DPP6: variants seen among roughly 807,000 people sequenced by gnomAD.
DPP6 encodes A-type potassium channel modulatory protein DPP6.
Under a neutral mutation model 122.6 loss-of-function variants are expected in DPP6, and 69 were observed. The ratio of observed to expected loss-of-function variants is 0.56; its 90% CI spans 0.46 to 0.69. The LOEUF (loss-of-function observed/expected upper bound fraction) is 0.69. DPP6 is among the 30% of genes least tolerant of loss of function. The probability of loss-of-function intolerance (pLI) is 0.00; values close to 1 mark genes in which losing one functional copy is unlikely to be tolerated. For missense variants in DPP6, 928 were observed against 1,116.9 expected (o/e 0.83, Z 2.41); for synonymous variants, 418 against 433.1 (o/e 0.97, Z 0.43).
chr7:154,575,352 T>C (rs1286232107), intron 5 of DPP6, among the ~76,000 whole-genome samples: 3 of 26,474 alleles, frequency 1.1e-4, no homozygotes, highest in Non-Finnish European at 2.0e-4. Context: ...TATGTGTGTG[T>C]GGTGTGTGTG....
chr7:153,910,324 C>T (rs555827522), intron 1 of DPP6, among the ~76,000 whole-genome samples: 19 of 151,290 alleles, frequency 1.3e-4, no homozygotes, highest in Middle Eastern at 3.4e-3. Flanking sequence ...CTGCCTCCTG[C>T]GTTCAAGCAC....
At chr7:154,500,513 G>C (rs1289142999) in intron 3 of DPP6, among the ~76,000 whole-genome samples, 1 of 152,148 alleles carries the variant, frequency 6.6e-6, no homozygotes, top group East Asian at 1.9e-4. Context: ...AATTATGGGG[G>C]CGGATCTTTC....
intron 1 of DPP6, among the ~76,000 whole-genome samples, chr7:154,057,090 G>A (rs1251895404): frequency 6.6e-6 from 1 of 152,200 alleles, no homozygotes. Context: ...CCTACAAAGT[G>A]GGAGCCATGA....
chr7:154,312,676 C>T (rs191434172), intron 1 of DPP6, among the ~76,000 whole-genome samples: 61 of 152,206 alleles, frequency 4.0e-4, no homozygotes, highest in African/African-American at 1.4e-3. Flanking sequence ...ATGGGAACAC[C>T]GTGGTGATGG....
chr7:154,280,442 C>A (rs1804426412), intron 1 of DPP6, among the ~76,000 whole-genome samples: 1 of 152,148 alleles, frequency 6.6e-6, no homozygotes. Context: ...ACTGAACCTG[C>A]AGCCTCCCCC....
At chr7:153,973,716 A>G (rs1366420996) in intron 1 of DPP6, among the ~76,000 whole-genome samples, 1 of 150,718 alleles carries the variant, frequency 6.6e-6, no homozygotes, top group East Asian at 1.9e-4. Context: ...GTATTGCTCC[A>G]GAGAGAGCGC....
chr7:153,927,451 C>A lies in DPP6; in HGVS notation c.51+39717C>A, dbSNP rs189356209. 2.6e-5 allele frequency among the ~76,000 whole-genome samples: 4 copies of A among 152,260 alleles called. No homozygotes were observed. The East Asian group carries it at 7.7e-4, about 29-fold the overall frequency. On this transcript the variant is annotated intron_variant, in intron 1 of 25. Transcript: ENST00000404039. ...ATATTTTGGTGGACACCCTTTAATT[C>A]ATCTCTGTTACAATATACATATACT...
the DPP6 span, among the ~76,000 whole-genome samples, chr7:153,787,615 T>A: frequency 6.9e-6 from 1 of 144,050 alleles, no homozygotes; most frequent in Non-Finnish European, 1.5e-5. Context: ...AAATAAAAAA[T>A]AAAATTGTAG....
chr7:154,252,478 T>C (rs1585746645), intron 1 of DPP6, among the ~76,000 whole-genome samples: 2 of 152,196 alleles, frequency 1.3e-5, no homozygotes, highest in African/African-American at 4.8e-5. Context: ...TTAAATTCTC[T>C]ATAGATAATG....
intron 10 of DPP6, among the ~76,000 whole-genome samples, chr7:154,774,052 T>TGAAGCCCA (rs1326259048): frequency 2.6e-5 from 4 of 152,186 alleles, no homozygotes; most frequent in East Asian, 1.9e-4. Context: ...AGTGGATGGA[T>TGAAGCCCA]GAAGCCCAGA....
At chr7:154,107,359 T>G (rs1806239860) in intron 1 of DPP6, among the ~76,000 whole-genome samples, 2 of 152,188 alleles carry the variant, frequency 1.3e-5, no homozygotes, top group Non-Finnish European at 2.9e-5. Context: ...CCACATTATG[T>G]CACTTGTGTA....
At chr7:154,740,231 T>C (rs1409292552) in intron 8 of DPP6, among the ~76,000 whole-genome samples, 1 of 152,198 alleles carries the variant, frequency 6.6e-6, no homozygotes, top group African/African-American at 2.4e-5. Context: ...TACCTTTTTT[T>C]ATAGCGCCCT....
At chr7:153,755,798 T>G in the DPP6 span, among the ~76,000 whole-genome samples, 4 of 152,202 alleles carry the variant, frequency 2.6e-5, no homozygotes, top group African/African-American at 9.6e-5. Context: ...ACTTTATATC[T>G]TTGTGAAGCT....
chr7:154,139,591 C>T (rs943768082), intron 1 of DPP6, among the ~76,000 whole-genome samples: 4 of 152,020 alleles, frequency 2.6e-5, no homozygotes, highest in South Asian at 2.1e-4. Context: ...AATTAGCCAT[C>T]GCAGTGGGTC....
chr7:154,857,554 A>G (rs3807275), intron 17 of DPP6, among the ~76,000 whole-genome samples: 63,327 of 152,050 alleles, frequency 0.42, 15,543 homozygotes, highest in East Asian at 0.81. Flanking sequence ...GTCCTCTTGC[A>G]GCACTTCACA....
intron 1 of DPP6, among the ~76,000 whole-genome samples, chr7:154,158,606 A>G (rs927558239): frequency 6.6e-6 from 1 of 151,842 alleles, no homozygotes; most frequent in African/African-American, 2.4e-5. Flanking sequence ...ATGTTTATTC[A>G]TTTAGTCTCT....
intron 2 of DPP6, among the ~76,000 whole-genome samples, chr7:154,463,244 G>T (rs1193537500): frequency 8.7e-6 from 1 of 114,376 alleles, no homozygotes; most frequent in Non-Finnish European, 1.7e-5. Context: ...GTCTCGCTCT[G>T]TCGCCCAGGC....
chr7:154,657,904 G>A (rs1237035170), intron 6 of DPP6, among the ~76,000 whole-genome samples: 1 of 152,188 alleles, frequency 6.6e-6, no homozygotes, highest in South Asian at 2.1e-4. Flanking sequence ...AGCCAAAAGC[G>A]CACATTCCTC....
intron 1 of DPP6, among the ~76,000 whole-genome samples, chr7:154,066,821 AG>A (rs1424844970): frequency 6.6e-6 from 1 of 152,192 alleles, no homozygotes; most frequent in Non-Finnish European, 1.5e-5. Flanking sequence ...TTTGAGTGTC[AG>A]TCTGGGGAGA....
Sources: gnomAD v4.1 joint callset for allele counts (sites outside exome capture counted in the v4.1 genomes callset) on GRCh38, gnomAD v4.1.1 for gene constraint, MANE v1.5 for transcripts, NCBI Gene and HGNC (gene_info 2026-07-23, HGNC 2026-07-21) for gene names.